Variants in MVK observed in about 807,000 individuals in gnomAD.
MVK encodes LH receptor mRNA-binding protein.
In MVK, 34 loss-of-function variants were observed where a neutral mutation model predicts 43.2. That is an observed-to-expected ratio of 0.79 (90% CI 0.60 to 1.05). The LOEUF (loss-of-function observed/expected upper bound fraction) is 1.05, where lower values mean the gene tolerates loss of function less well. Ranked by LOEUF, MVK falls within the 50% of genes least tolerant of loss-of-function variation. The probability of loss-of-function intolerance (pLI) is 0.00; values close to 1 mark genes in which losing one functional copy is unlikely to be tolerated. For missense variants in MVK, 395 were observed against 504.0 expected, an observed-to-expected ratio of 0.78 and a Z score of 2.07; for synonymous variants, 190 against 219.8, an observed-to-expected ratio of 0.86 and a Z score of 1.20.
chr12:109,596,764 C>T lies in MVK; in HGVS notation c.*187C>T. ...TGGGACCTAGGGAGGCATGGTCTGCCCTCTGCATCCTCTGGAGCCAGCCGA... is the reference window on the plus strand; with the variant it reads ...TGGGACCTAGGGAGGCATGGTCTGCTCTCTGCATCCTCTGGAGCCAGCCGA... On this transcript the variant is annotated 3_prime_UTR_variant, in exon 11 of 11. Transcript: ENST00000228510. The T allele has an allele frequency of 1.2e-6, 1 of 817,762 alleles. No homozygotes were observed. Among genetic ancestry groups the T allele is most frequent in the Non-Finnish European group, 1.9e-6 (1 of 517,296 alleles). The allele number at this position is 817,762 out of a possible 1,614,324, so 50.7% of individuals were successfully genotyped here.
At chr12:109,589,044 C>T (rs915049728) in intron 7 of MVK, 4 of 152,552 alleles carry the variant, frequency 2.6e-5, no homozygotes, top group African/African-American at 7.2e-5. Context: ...GAGACGAGCA[C>T]GCTGCCTGCC....
chr12:109,591,870 G>A (rs187670748), intron 9 of MVK, among the ~76,000 whole-genome samples: 1 of 152,182 alleles, frequency 6.6e-6, no homozygotes, highest in Non-Finnish European at 1.5e-5. Flanking sequence ...GTTGTGACCT[G>A]GTACTTTGGG....
chr12:109,580,066 GTCC>G (rs2136224882), intron 4 of MVK, 120 bp downstream of exon 4: 3 of 1,463,838 alleles, frequency 2.0e-6, no homozygotes, highest in South Asian at 2.3e-5. Context: ...GCCATTGGCT[GTCC>G]TCATCATGTG....
chr12:109,573,375 C>T, upstream of MVK: 2 of 1,612,992 alleles, frequency 1.2e-6, no homozygotes, highest in Non-Finnish European at 1.7e-6. Flanking sequence ...CCCTGAGGGC[C>T]GCGGCTCTGG....
intron 7 of MVK, 32 bp from the exon 8 acceptor site, chr12:109,590,739 C>A: frequency 6.2e-7 from 1 of 1,600,956 alleles, no homozygotes; most frequent in Non-Finnish European, 8.6e-7. Context: ...ATCTTGAGTT[C>A]AGTGTGGACC....
rs551460898 is a variant in MVK at position 109,579,955 on chromosome 12, G to A, written c.371+9G>A. On this transcript the variant is annotated intron_variant, in intron 4 of 10. Transcript: ENST00000228510. ...ATCTGCCGGAAGCAGAGGTGTGTGC[G>A]TGGTCTGGGGAAGGAGTCCAGATTC... The A allele has an allele frequency of 9.9e-6, 16 of 1,614,172 alleles. No homozygotes were observed. Among genetic ancestry groups the A allele is most frequent in the South Asian group, 8.8e-5 (8 of 91,080 alleles).
intron 7 of MVK, among the ~76,000 whole-genome samples, chr12:109,587,282 TGGAAGCGGGAG>T (rs1398689927): frequency 6.6e-6 from 1 of 151,986 alleles, no homozygotes; most frequent in African/African-American, 2.4e-5. Flanking sequence ...AGAGGCAGGA[TGGAAGCGGGAG>T]GGAGGCTTGG....
intron 4 of MVK, 67 bp from the exon 5 acceptor site, chr12:109,581,328 C>T: frequency 6.2e-7 from 1 of 1,604,822 alleles, no homozygotes; most frequent in South Asian, 1.1e-5. Context: ...GGGCCTGGCC[C>T]CTGGTTCAGT....
At chr12:109,590,283 A>C in intron 7 of MVK, 1 of 260,310 alleles carries the variant, frequency 3.8e-6, no homozygotes, top group South Asian at 4.6e-5. Context: ...CCCTCCTTGT[A>C]CTCTGCTATA....
rs780907736 is a variant in MVK, at chr12:109,590,827, C to T, written c.734C>T (p.Ala245Val). 17 of 1,614,088 alleles carry T rather than the reference C, an allele frequency of 1.1e-5. No individual in the cohort carries two copies. The East Asian group carries it at 2.9e-4, about 27-fold the overall frequency. ...ACCAAAGTCCCTCGCAATACCAGGG[C>T]CCTTGTGGCTGGCGTCAGAAACAGG... ...TNTKVPRNTR[A>V]LVAGVRNRLL... The change falls in exon 8 of 11, where the codon GCC (alanine) becomes GTC (valine). Residue 245 changes from alanine to valine, a missense_variant. By Grantham distance (64) the Ala-to-Val change is moderately conservative (BLOSUM62 0). Coordinates refer to ENST00000228510, the MANE Select transcript of MVK (RefSeq NM_000431.4).
chr12:109,580,414 GTTGTTGTTT>G (rs527317346), intron 4 of MVK, among the ~76,000 whole-genome samples: 49 of 152,270 alleles, frequency 3.2e-4, no homozygotes, highest in Non-Finnish European at 6.6e-4. Context: ...CAGCCTCTCT[GTTGTTGTTT>G]TTGTTGTTTT....
rs1040715694 is a variant in MVK, at chr12:109,594,905, T to G, written c.886-123T>G. 34 of 1,191,134 alleles carry G rather than the reference T, an allele frequency of 2.9e-5. No individual in the cohort carries two copies. The Admixed American group carries it at 6.3e-4, about 22-fold the overall frequency. 73.8% of individuals were successfully genotyped at this position (1,191,134 alleles called of 1,614,324 possible). ...AAGTGGAGAGGGCCAGGGTGCCAGGTAGGCAAAGCCGTTGGCTGTCTCCAG... is the reference window on the plus strand; with the variant it reads ...AAGTGGAGAGGGCCAGGGTGCCAGGGAGGCAAAGCCGTTGGCTGTCTCCAG... On this transcript the variant is annotated intron_variant, in intron 9 of 10. Coordinates refer to ENST00000228510, the MANE Select transcript of MVK (RefSeq NM_000431.4).
At chr12:109,584,338 T>C (rs1419837222) in intron 5 of MVK, among the ~76,000 whole-genome samples, 1 of 152,162 alleles carries the variant, frequency 6.6e-6, no homozygotes, top group Non-Finnish European at 1.5e-5. Flanking sequence ...GAGCAGGTAA[T>C]TGACTTGCTC....
intron 3 of MVK, among the ~76,000 whole-genome samples, chr12:109,577,150 T>G (rs929434618): frequency 1.4e-4 from 21 of 152,326 alleles, no homozygotes; most frequent in Middle Eastern, 6.8e-3. Context: ...TTTTTCTTTG[T>G]GTGTCACGTG....
In MVK at chr12:109,596,663, G is replaced by T; in HGVS notation, c.*86G>T. 1 of 1,544,650 alleles carries T rather than the reference G, an allele frequency of 6.5e-7. No homozygotes were observed. The highest frequency in any genetic ancestry group is 2.4e-5 in the East Asian group (1 of 42,498). On this transcript the variant is annotated 3_prime_UTR_variant, in exon 11 of 11. Coordinates refer to ENST00000228510, the MANE Select transcript of MVK (RefSeq NM_000431.4). ...GCAGTTCGACTCTGTGCTGGCCAGC[G>T]AGCGCCCAGCTCCTGACACTGCTGG...
At chr12:109,592,890 T>TC (rs897041061) in intron 9 of MVK, among the ~76,000 whole-genome samples, 10 of 151,998 alleles carry the variant, frequency 6.6e-5, no homozygotes, top group African/African-American at 2.4e-4. Flanking sequence ...GGGAACACAG[T>TC]CCCCCCGAGT....
intron 9 of MVK, 92 bp downstream of exon 9, chr12:109,591,449 G>C (rs757827951): frequency 1.6e-6 from 2 of 1,269,482 alleles, no homozygotes; most frequent in Non-Finnish European, 2.3e-6. Context: ...AGAATCCCCC[G>C]GAAGCTAGCA....
rs369227329 is a variant in MVK at position 109,581,543 on chromosome 12, G to T, written c.520G>T (p.Val174Phe). Reference sequence around the variant, plus strand: ...AAACCCGCTGAAGGACGGGGATTGCGTCAACAGGTAACCATGGTCCTTACC... The same window carrying T: ...AAACCCGCTGAAGGACGGGGATTGCTTCAACAGGTAACCATGGTCCTTACC... ...IPNPLKDGDC[V>F]NRWTKEDLEL... The change falls in exon 5 of 11, where the codon GTC becomes TTC. Residue 174 changes from valine (V) to phenylalanine (F), a missense_variant. By Grantham distance (50) the Val-to-Phe change is conservative. Transcript: ENST00000228510. 6.2e-7 allele frequency: 1 copy of T among 1,614,084 alleles called. No homozygotes were observed. Among genetic ancestry groups the T allele is most frequent in the Non-Finnish European group, 8.5e-7 (1 of 1,180,026 alleles).
Position 109,579,930 on chromosome 12 carries a change from A to G in MVK, c.355A>G (p.Ile119Val). The G allele has an allele frequency of 6.2e-7, 1 of 1,614,160 alleles. No individual in the cohort carries two copies. The highest frequency in any genetic ancestry group is 8.5e-7 in the Non-Finnish European group (1 of 1,180,026). Residue 119 changes from isoleucine to valine, a missense_variant, in exon 4 of 11, where the codon ATC becomes GTC. Physicochemically the swap from Ile to Val is conservative, Grantham distance 29. Transcript: ENST00000228510. ...VLAFLYLYLS[I>V]CRKQRALPSL... ...GGCCTTTCTTTACTTATACCTGTCC[A>G]TCTGCCGGAAGCAGAGGTGTGTGCG...
Sources: gnomAD v4.1 joint callset for allele counts (sites outside exome capture counted in the v4.1 genomes callset) on GRCh38, gnomAD v4.1.1 for gene constraint, MANE v1.5 for transcripts, NCBI Gene and HGNC (gene_info 2026-07-23, HGNC 2026-07-21) for gene names.